EIF2B5: variants seen among roughly 807,000 people sequenced by gnomAD.
The protein encoded by EIF2B5 is eukaryotic translation initiation factor 2B subunit epsilon.
Under a neutral mutation model 87.3 loss-of-function variants are expected in EIF2B5, and 38 were observed. That is an observed-to-expected ratio of 0.44 (90% CI 0.34 to 0.57). The LOEUF is 0.57. EIF2B5 is among the 20% of genes least tolerant of loss of function. The pLI is 0.02. For synonymous variants in EIF2B5, 313 were observed against 339.6 expected, an observed-to-expected ratio of 0.92 and a Z score of 0.86; for missense variants, 784 against 909.5, an observed-to-expected ratio of 0.86 and a Z score of 1.78.
rs1419696121 is a variant in EIF2B5, at chr3:184,135,507, C to G, written c.122C>G (p.Pro41Arg). ...GARGAEEEPP[P>R]PLQAVLVADS... ...AGAGGGGCGGAGGAGGAACCGCCGC[C>G]GCCCCTACAAGCAGTTCTGGTGGCC... The change falls in exon 1 of 16, where the codon CCG becomes CGG. Residue 41 changes from proline (P) to arginine (R), a missense_variant. By Grantham distance (103) the Pro-to-Arg change is moderately radical (BLOSUM62 -2). This residue lies in a region of EIF2B5 where 117 missense variants were observed against 101.0 expected (regional missense o/e 1.16). Coordinates refer to ENST00000648915, the MANE Select transcript of EIF2B5 (RefSeq NM_003907.3). The G allele has an allele frequency of 1.3e-6, 2 of 1,584,322 alleles. No homozygotes were observed. The highest frequency in any genetic ancestry group is 4.6e-5 in the East Asian group (2 of 43,302).
At chr3:184,143,996 A>G in intron 13 of EIF2B5, 103 bp from the exon 14 acceptor site, 1 of 1,543,814 alleles carries the variant, frequency 6.5e-7, no homozygotes, top group South Asian at 1.1e-5. Flanking sequence ...AACCTGTATC[A>G]TCTCCCTTTT....
At chr3:184,140,877 C>A (rs1713605093) in intron 7 of EIF2B5, 147 bp downstream of exon 7, 1 of 918,296 alleles carries the variant, frequency 1.1e-6, no homozygotes, top group Admixed American at 2.2e-5. Context: ...AAGGAGGAAA[C>A]AGGGATTTGA....
At chr3:184,139,239 G>T (rs1228974877) in intron 5 of EIF2B5, among the ~76,000 whole-genome samples, 1 of 144,262 alleles carries the variant, frequency 6.9e-6, no homozygotes, top group Non-Finnish European at 1.5e-5. Flanking sequence ...CCAAAGTGCT[G>T]CAATCACAGG....
intron 1 of EIF2B5, chr3:184,135,806 A>G: frequency 1.6e-6 from 1 of 621,018 alleles, no homozygotes; most frequent in Non-Finnish European, 2.8e-6. Context: ...TTTGAAAGGA[A>G]TGAAGAGAGC....
At position 184,142,418 on chromosome 3, in the gene EIF2B5, C is replaced by T; in HGVS notation, c.1444+40C>T. ...AGGTGTGGGGCATCTGTGTGTCTCG[C>T]TGCCTCATAGAAGAACCAGTGTTTC... On this transcript the variant is annotated intron_variant, in intron 9 of 15. Transcript: ENST00000648915. The surrounding 1 kb of genome is among the most constrained non-coding windows in gnomAD (Gnocchi z 5.0). 6.2e-7 allele frequency: 1 copy of T among 1,614,166 alleles called. No homozygotes were observed.
Position 184,135,495 on chromosome 3 carries a change from A to G in EIF2B5, c.110A>G (p.Glu37Gly). 1 of 1,580,440 alleles carries G rather than the reference A, an allele frequency of 6.3e-7. No individual in the cohort carries two copies. Among genetic ancestry groups the G allele is most frequent in the Non-Finnish European group, 8.6e-7 (1 of 1,164,328 alleles). The change falls in exon 1 of 16, where the codon GAG becomes GGG. Residue 37 changes from glutamate to glycine, a missense_variant. By Grantham distance (98) the Glu-to-Gly change is moderately conservative. Coordinates refer to ENST00000648915, the MANE Select transcript of EIF2B5 (RefSeq NM_003907.3). ...GGCGGGGGAGCCAGAGGGGCGGAGG[A>G]GGAACCGCCGCCGCCCCTACAAGCA... ...SGGGGARGAE[E>G]EPPPPLQAVL... is the part of the protein sequence containing the mutation.
At chr3:184,140,021 C>CAA (rs112477801) in intron 5 of EIF2B5, 59 bp from the exon 6 acceptor site, 2,936 of 1,186,348 alleles carry the variant, frequency 2.5e-3, no homozygotes, top group Non-Finnish European at 2.7e-3. Flanking sequence ...AGACTTGTCT[C>CAA]AAAAAAAAAA....
intron 5 of EIF2B5, 37 bp from the exon 6 acceptor site, chr3:184,140,043 G>T (rs755623823): frequency 2.4e-5 from 34 of 1,407,506 alleles, no homozygotes; most frequent in Non-Finnish European, 2.9e-5. Context: ...AAAAAGAATA[G>T]TACTTAATTC....
intron 7 of EIF2B5, 99 bp from the exon 8 acceptor site, chr3:184,141,825 TG>T: frequency 6.7e-7 from 1 of 1,488,232 alleles, no homozygotes; most frequent in Non-Finnish European, 9.3e-7. Flanking sequence ...GAGAGCTAGG[TG>T]GGAGCTGTGC....
rs372850426 is a variant in EIF2B5 at position 184,135,390 on chromosome 3, C to T, written c.5C>T (p.Ala2Val). M[A>V]APVVAPPGVV... ...TGGTGACCGTGAGAGAAGAAGATGG[C>T]GGCCCCTGTAGTGGCGCCGCCTGGT... is the stretch of plus-strand genomic sequence containing the variant. The change falls in exon 1 of 16, where the codon GCG becomes GTG. Residue 2 changes from alanine (A) to valine (V), a missense_variant. This residue lies in a region of EIF2B5 where 117 missense variants were observed against 101.0 expected (regional missense o/e 1.16). Coordinates refer to ENST00000648915, the MANE Select transcript of EIF2B5 (RefSeq NM_003907.3). The T allele has an allele frequency of 3.2e-6, 5 of 1,577,394 alleles. No individual in the cohort carries two copies. The highest frequency in any genetic ancestry group is 1.2e-5 in the South Asian group (1 of 86,086).
chr3:184,139,270 ATTTTTT>A (rs1196978595), intron 5 of EIF2B5, among the ~76,000 whole-genome samples: 324 of 47,978 alleles, frequency 6.8e-3, no homozygotes, highest in African/African-American at 0.029. Flanking sequence ...TGCACCCAGC[ATTTTTT>A]TTTTTTTTTT....
At chr3:184,144,539 A>G (rs1713778879) in intron 14 of EIF2B5, 58 bp from the exon 15 acceptor site, 1 of 1,477,996 alleles carries the variant, frequency 6.8e-7, no homozygotes, top group East Asian at 2.3e-5. Flanking sequence ...AGGGCCTGGT[A>G]GAGTATCCTG....
At chr3:184,137,221 G>GA (rs1713404461) in intron 2 of EIF2B5, 1 of 355,020 alleles carries the variant, frequency 2.8e-6, no homozygotes, top group African/African-American at 2.1e-5. Flanking sequence ...GGAAGTCCAG[G>GA]ATGTAAAGAC....
At chr3:184,141,444 C>T (rs1320009765) in intron 7 of EIF2B5, among the ~76,000 whole-genome samples, 1 of 152,172 alleles carries the variant, frequency 6.6e-6, no homozygotes, top group African/African-American at 2.4e-5. Context: ...TGGCGCGTGC[C>T]TGTAATCTCA....
In EIF2B5 at chr3:184,144,270, G is replaced by A. The variant is rs751124162; in HGVS notation, c.1995+46G>A. Reference sequence around the variant, plus strand: ...CATTCTTCTGCACTTGCTTTCAAACGAGGGTTGGTGACCCCCTTGGGAGAC... The same window carrying A: ...CATTCTTCTGCACTTGCTTTCAAACAAGGGTTGGTGACCCCCTTGGGAGAC... On this transcript the variant is annotated intron_variant, in intron 14 of 15. Coordinates refer to ENST00000648915, the MANE Select transcript of EIF2B5 (RefSeq NM_003907.3). The A allele has an allele frequency of 5.0e-6, 8 of 1,611,736 alleles. No individual in the cohort carries two copies. In the African/African-American group the frequency reaches 5.3e-5, roughly 11 times the overall value.
intron 5 of EIF2B5, chr3:184,138,887 C>T (rs1294273731): frequency 3.4e-6 from 1 of 296,456 alleles, no homozygotes; most frequent in African/African-American, 2.3e-5. Context: ...GTCACGAACT[C>T]CTGAGCTCAA....
chr3:184,137,725 T>A lies in EIF2B5; in HGVS notation c.426T>A (p.Ala142=). 3 of 1,614,196 alleles carry A rather than the reference T, an allele frequency of 1.9e-6. No homozygotes were observed. Among genetic ancestry groups the A allele is most frequent in the Non-Finnish European group, 2.5e-6 (3 of 1,180,042 alleles). ...GDVLRDVDAK[A]LVRSDFLLVY... ...TCCTCCGTGATGTTGATGCCAAGGC[T>A]TTGGTGCGCTCTGACTTTCTTCTGG... The change falls in exon 3 of 16, where the codon GCT becomes GCA. Residue 142 remains alanine (A), a synonymous_variant. Coordinates refer to ENST00000648915, the MANE Select transcript of EIF2B5 (RefSeq NM_003907.3).
chr3:184,144,851 C>T (rs1052420285), intron 15 of EIF2B5, 33 bp from the exon 16 acceptor site: 2 of 1,611,070 alleles, frequency 1.2e-6, no homozygotes, highest in African/African-American at 1.3e-5. Context: ...ATGTGCACCT[C>T]CCCCAGCCGA....
At chr3:184,141,081 C>T (rs1436096784) in intron 7 of EIF2B5, among the ~76,000 whole-genome samples, 1 of 152,206 alleles carries the variant, frequency 6.6e-6, no homozygotes, top group East Asian at 1.9e-4. Flanking sequence ...TACAAATAAA[C>T]AGGCTCAACA....
Sources: gnomAD v4.1 joint callset for allele counts (sites outside exome capture counted in the v4.1 genomes callset) on GRCh38, gnomAD v4.1.1 for gene constraint, gnomAD v4.1.1 regional missense constraint, Gnocchi (gnomAD v3.1) non-coding constraint, MANE v1.5 for transcripts, NCBI Gene and HGNC (gene_info 2026-07-23, HGNC 2026-07-21) for gene names.